Variants in CEP85L observed in about 807,000 individuals in gnomAD.
The protein encoded by CEP85L is centrosomal protein of 85 kDa-like.
Under a neutral mutation model 100.3 loss-of-function variants are expected in CEP85L, and 60 were observed. The ratio of observed to expected loss-of-function variants is 0.60; its 90% confidence interval spans 0.49 to 0.74. The LOEUF (loss-of-function observed/expected upper bound fraction) is 0.74. CEP85L is among the 30% of genes least tolerant of loss of function. The probability of loss-of-function intolerance (pLI) is 0.00; values close to 1 mark genes in which losing one functional copy is unlikely to be tolerated. For missense variants in CEP85L, 973 were observed against 936.2 expected, an observed-to-expected ratio of 1.04 and a Z score of -0.51; for synonymous variants, 319 against 322.7, an observed-to-expected ratio of 0.99 and a Z score of 0.12.
At chr6:118,472,610 G>A (rs528535408) in intron 10 of CEP85L, among the ~76,000 whole-genome samples, 1 of 152,200 alleles carries the variant, frequency 6.6e-6, no homozygotes, top group East Asian at 1.9e-4. Flanking sequence ...ACTTTTTGCA[G>A]AGCATTTTTT....
rs77987105 is a variant in CEP85L at position 118,524,169 on chromosome 6, A to G, written c.1021-249T>C. Among the ~76,000 whole-genome samples, 567 of 152,310 alleles carry G rather than the reference A, an allele frequency of 3.7e-3. 2 individuals are homozygous for G. Among genetic ancestry groups the G allele is most frequent in the African/African-American group, 0.013 (537 of 41,564 alleles). ...TTATCCTGGCAAATTATAAAACTAT[A>G]TAAGATCTTGGCCAGGCGCGGTGGC... On this transcript the variant is annotated intron_variant, in intron 3 of 12. Transcript: ENST00000368491.
intron 1 of CEP85L, among the ~76,000 whole-genome samples, chr6:118,702,340 A>G (rs1347732277): frequency 6.6e-6 from 1 of 151,972 alleles, no homozygotes; most frequent in Non-Finnish European, 1.5e-5. Context: ...GGGAGACCCC[A>G]TCTCTACAAA....
intron 2 of CEP85L, among the ~76,000 whole-genome samples, chr6:118,596,952 G>C (rs969128997): frequency 1.3e-5 from 2 of 152,166 alleles, no homozygotes; most frequent in African/African-American, 4.8e-5. Context: ...TGTCGTGGGA[G>C]GGACCCAGTG....
intron 3 of CEP85L, among the ~76,000 whole-genome samples, chr6:118,530,399 A>C (rs1232252230): frequency 6.6e-6 from 1 of 151,626 alleles, no homozygotes; most frequent in East Asian, 1.9e-4. Context: ...AAAAAAAAAA[A>C]CACAGCCAAG....
intron 2 of CEP85L, among the ~76,000 whole-genome samples, chr6:118,594,035 T>C (rs1781332608): frequency 6.6e-6 from 1 of 152,180 alleles, no homozygotes; most frequent in Non-Finnish European, 1.5e-5. Context: ...TGTCCCTCTG[T>C]TGTCTATCCC....
chr6:118,559,431 G>T, intron 3 of CEP85L: 3 of 298,158 alleles, frequency 1.0e-5, no homozygotes, highest in Non-Finnish European at 2.1e-5. Context: ...CATATATAAA[G>T]CATTATTTTT....
chr6:118,628,349 T>A (rs781406948), intron 2 of CEP85L, among the ~76,000 whole-genome samples: 1 of 152,004 alleles, frequency 6.6e-6, no homozygotes, highest in African/African-American at 2.4e-5. Context: ...AGCCGAGGGA[T>A]AAAAATTCCA....
rs1262813493 is a variant in CEP85L, at chr6:118,462,088, A to T, written c.*3317T>A. ...TACTTTATAAGCTCCTTAGTATATC[A>T]GAAATGTATGACATTCATTTTAGCA... is the stretch of plus-strand genomic sequence containing the variant. On this transcript the variant is annotated 3_prime_UTR_variant, in exon 13 of 13. Coordinates refer to ENST00000368491, the MANE Select transcript of CEP85L (RefSeq NM_001042475.3). 3 of 152,050 alleles carry T rather than the reference A, an allele frequency of 2.0e-5. No individual in the cohort carries two copies. Among genetic ancestry groups the T allele is most frequent in the Admixed American group, 1.3e-4 (2 of 15,264 alleles). The allele number at this position is 152,050 out of a possible 1,614,324, so 9.4% of individuals were successfully genotyped here.
chr6:118,506,294 C>T (rs1428913943), intron 5 of CEP85L, among the ~76,000 whole-genome samples: 2 of 152,144 alleles, frequency 1.3e-5, no homozygotes, highest in Non-Finnish European at 2.9e-5. Context: ...CATACACACA[C>T]AGTCAAAATG....
At chr6:118,663,346 G>A (rs1776034000) in intron 1 of CEP85L, among the ~76,000 whole-genome samples, 1 of 152,190 alleles carries the variant, frequency 6.6e-6, no homozygotes. Context: ...CAACTGCAGT[G>A]TTGTTTATAA....
At chr6:118,584,187 C>T (rs1439071091) in intron 2 of CEP85L, among the ~76,000 whole-genome samples, 1 of 152,174 alleles carries the variant, frequency 6.6e-6, no homozygotes. Flanking sequence ...CAGGAAGGCA[C>T]TGAAGCTCTT....
rs187694704 is a variant in CEP85L, at chr6:118,556,249, T to C, written c.1020+9280A>G. ...GTAGAAGTGTTATAGACAACCTAAA[T>C]AACAGCCTTTAGCCACCTGTTTAGA... is the stretch of plus-strand genomic sequence containing the variant. On this transcript the variant is annotated intron_variant, in intron 3 of 12. Coordinates refer to ENST00000368491, the MANE Select transcript of CEP85L (RefSeq NM_001042475.3). Among the ~76,000 whole-genome samples the C allele has an allele frequency of 1.1e-4, 16 of 152,280 alleles. No homozygotes were observed. In the East Asian group the frequency reaches 2.9e-3, roughly 27 times the overall value.
chr6:118,547,407 A>G (rs1778270627), intron 3 of CEP85L, among the ~76,000 whole-genome samples: 1 of 152,158 alleles, frequency 6.6e-6, no homozygotes, highest in Non-Finnish European at 1.5e-5. Context: ...AAACATTACA[A>G]AACTTAAATT....
In CEP85L at chr6:118,544,086, G is replaced by A. The variant is rs80084996; in HGVS notation, c.1021-20166C>T. Among the ~76,000 whole-genome samples the A allele has an allele frequency of 3.7e-3, 567 of 152,078 alleles. 3 individuals carry two copies. The highest frequency in any genetic ancestry group is 0.013 in the African/African-American group (539 of 41,384). On this transcript the variant is annotated intron_variant, in intron 3 of 12. Transcript: ENST00000368491. ...GTGATAGTGCCACCACAAAGTTTGC[G>A]AATGCGAGGAGCTCAAAGGGCTGAG...
intron 1 of CEP85L, among the ~76,000 whole-genome samples, chr6:118,674,821 G>A (rs1010013957): frequency 3.9e-5 from 6 of 152,148 alleles, no homozygotes; most frequent in Non-Finnish European, 7.4e-5. Flanking sequence ...AGGCATTGAC[G>A]AGGATGTGGA....
chr6:118,614,902 AGATAGATT>A (rs1320025194), intron 2 of CEP85L, among the ~76,000 whole-genome samples: 2 of 150,280 alleles, frequency 1.3e-5, no homozygotes, highest in African/African-American at 5.0e-5. Context: ...ATAGATAGAT[AGATAGATT>A]TTTTTAAAAG....
chr6:118,650,080 T>C (rs1775445112), intron 1 of CEP85L, among the ~76,000 whole-genome samples: 1 of 152,202 alleles, frequency 6.6e-6, no homozygotes, highest in Non-Finnish European at 1.5e-5. Flanking sequence ...CTTTTTTGTT[T>C]TGTAAATAAC....
intron 3 of CEP85L, among the ~76,000 whole-genome samples, chr6:118,544,409 ATTTCTTTTTCTCCTGGTGT>A (rs1351535275): frequency 2.0e-5 from 3 of 152,090 alleles, no homozygotes; most frequent in African/African-American, 4.8e-5. Flanking sequence ...TCAATTGGGA[ATTTCTTTTTCTCCTGGTGT>A]TATCTTGCAC....
At chr6:118,699,291 A>G (rs1482954394) in intron 1 of CEP85L, among the ~76,000 whole-genome samples, 1 of 151,828 alleles carries the variant, frequency 6.6e-6, no homozygotes, top group Non-Finnish European at 1.5e-5. Context: ...CCATCTCTAT[A>G]AAAAAATTAA....
Sources: allele counts gnomAD v4.1 joint callset (sites outside exome capture counted in the v4.1 genomes callset), GRCh38; gene constraint gnomAD v4.1.1; transcripts MANE v1.5; gene names NCBI Gene and HGNC (gene_info 2026-07-23, HGNC 2026-07-21).